Variants in TP73 observed in about 807,000 individuals in gnomAD.
The protein encoded by TP73 is p53-like transcription factor.
Under a neutral mutation model 62.5 loss-of-function variants are expected in TP73, and 25 were observed. The observed-to-expected ratio is 0.40, with a 90% CI of 0.29 to 0.56. The LOEUF (loss-of-function observed/expected upper bound fraction) is 0.56. Ranked by LOEUF, TP73 falls within the 20% of genes least tolerant of loss-of-function variation. TP73 has a pLI of 0.46. For missense variants in TP73, 754 were observed against 913.3 expected (o/e 0.83, Z 2.25); for synonymous variants, 423 against 377.5 (o/e 1.12, Z -1.40).
chr1:3,694,902 T>C (rs12727615), intron 3 of TP73, among the ~76,000 whole-genome samples: 216 of 49,876 alleles, frequency 4.3e-3, no homozygotes, highest in Non-Finnish European at 5.5e-3. Flanking sequence ...CCCATGCATC[T>C]TCAGCCCCTC....
intron 3 of TP73, among the ~76,000 whole-genome samples, chr1:3,684,100 T>C (rs959462353): frequency 5.9e-5 from 9 of 151,694 alleles, no homozygotes; most frequent in African/African-American, 2.2e-4. Context: ...TGCCGGGAGG[T>C]GGATGGCAGG....
intron 1 of TP73, 79 bp downstream of exon 1, chr1:3,652,720 C>A (rs1187949276): frequency 6.6e-6 from 1 of 152,402 alleles, no homozygotes; most frequent in Non-Finnish European, 1.5e-5. Context: ...CACCTGGGCT[C>A]GCAGCTCCGA....
chr1:3,704,499 G>A (rs557638926), intron 3 of TP73, among the ~76,000 whole-genome samples: 12 of 152,198 alleles, frequency 7.9e-5, no homozygotes, highest in East Asian at 1.9e-4. Flanking sequence ...CTGCCCTTCC[G>A]GAGAATGGCT....
chr1:3,705,577 G>T (rs996142819), intron 3 of TP73, among the ~76,000 whole-genome samples: 86 of 152,262 alleles, frequency 5.6e-4, no homozygotes, highest in Non-Finnish European at 3.7e-4. Context: ...GCCCCTGACG[G>T]CTCAGGCCTG....
intron 4 of TP73, among the ~76,000 whole-genome samples, chr1:3,713,562 G>T (rs1640340982): frequency 6.6e-6 from 1 of 152,164 alleles, no homozygotes; most frequent in Non-Finnish European, 1.5e-5. Flanking sequence ...GCCACCCCAG[G>T]CCAGTGGTCA....
intron 3 of TP73, among the ~76,000 whole-genome samples, chr1:3,693,566 T>G (rs1282513248): frequency 6.6e-6 from 1 of 152,136 alleles, no homozygotes; most frequent in Non-Finnish European, 1.5e-5. Flanking sequence ...TCCTCTATGA[T>G]GAGGACGGTG....
At chr1:3,709,416 A>G (rs1458825390) in intron 4 of TP73, among the ~76,000 whole-genome samples, 1 of 152,186 alleles carries the variant, frequency 6.6e-6, no homozygotes, top group Non-Finnish European at 1.5e-5. Flanking sequence ...CACGATGGAG[A>G]TAAGGATGGG....
At chr1:3,729,942 G>A in intron 10 of TP73, 58 bp from the exon 11 acceptor site, 2 of 1,522,980 alleles carry the variant, frequency 1.3e-6, no homozygotes, top group East Asian at 2.3e-5. Flanking sequence ...GGCATGGGTG[G>A]TCGGTGGGCA....
intron 10 of TP73, 178 bp from the exon 11 acceptor site, chr1:3,729,822 C>A: frequency 1.0e-6 from 1 of 962,460 alleles, no homozygotes; most frequent in Non-Finnish European, 1.5e-6. Context: ...TTCTCAGGCG[C>A]AGGCCCAGTG....
At position 3,699,341 on chromosome 1, in the gene TP73, C is replaced by T. The variant is rs973837514; in HGVS notation, c.187-8208C>T. The stretch of plus-strand genomic sequence containing the variant: ...AAGTTCAGACATGCCCACGAGAGAT[C>T]AGGGAGTTTGAGGAGCGGCATACTC... On this transcript the variant is annotated intron_variant, in intron 3 of 13. Transcript: ENST00000378295. This position sits in a 1 kb window ranked among gnomAD's most constrained non-coding sequence, Gnocchi z 4.1. Among the ~76,000 whole-genome samples, 5 of 152,098 alleles carry T rather than the reference C, an allele frequency of 3.3e-5. No individual in the cohort carries two copies. Among genetic ancestry groups the T allele is most frequent in the Non-Finnish European group, 7.4e-5 (5 of 68,002 alleles).
At chr1:3,669,743 C>G (rs572870103) in intron 1 of TP73, among the ~76,000 whole-genome samples, 1 of 152,374 alleles carries the variant, frequency 6.6e-6, no homozygotes, top group South Asian at 2.1e-4. Context: ...TGGGCATGTC[C>G]TGTTCCTTCT....
rs1488141468 is a variant in TP73, at chr1:3,707,808, C to T, written c.429+17C>T. 6.2e-7 allele frequency: 1 copy of T among 1,608,454 alleles called. No homozygotes were observed. The highest frequency in any genetic ancestry group is 2.2e-5 in the East Asian group (1 of 44,742). ...ACCTGGACGGTGAGTTCCCCTAGTC[C>T]CTGAGGGCTGCGGGCTGCGGGCTGC... On this transcript the variant is annotated intron_variant, in intron 4 of 13. Coordinates refer to ENST00000378295, the MANE Select transcript of TP73 (RefSeq NM_005427.4).
At chr1:3,721,289 C>T (rs978435551) in intron 4 of TP73, among the ~76,000 whole-genome samples, 3 of 152,236 alleles carry the variant, frequency 2.0e-5, no homozygotes, top group Admixed American at 6.5e-5. Context: ...GCAGGGCCCA[C>T]GCCAGCTCCA....
intron 3 of TP73, among the ~76,000 whole-genome samples, chr1:3,685,491 C>T (rs1645630483): frequency 6.6e-6 from 1 of 152,228 alleles, no homozygotes; most frequent in African/African-American, 2.4e-5. Flanking sequence ...TGAAGGCAGG[C>T]CCAGGCCTGC....
At chr1:3,716,738 G>T (rs936676797) in intron 4 of TP73, among the ~76,000 whole-genome samples, 1 of 152,172 alleles carries the variant, frequency 6.6e-6, no homozygotes, top group Non-Finnish European at 1.5e-5. Context: ...AAGGAGAAAG[G>T]GACCCAGGAG....
intron 3 of TP73, among the ~76,000 whole-genome samples, chr1:3,704,771 G>T (rs1639489370): frequency 6.6e-6 from 1 of 152,168 alleles, no homozygotes; most frequent in Non-Finnish European, 1.5e-5. Context: ...GGCCTGGGCT[G>T]TGCGACCAGA....
rs1047848515 is a variant in TP73, at chr1:3,690,574, TGGTGC to T, written c.186+7398_186+7402del. The T allele has an allele frequency of 6.9e-5, 81 of 1,166,870 alleles. No homozygotes were observed. In the African/African-American group the frequency reaches 1.1e-3, roughly 16 times the overall value. The allele number at this position is 1,166,870 out of a possible 1,614,324, so 72.3% of individuals were successfully genotyped here. On this transcript the variant is annotated intron_variant, in intron 3 of 13. Coordinates refer to ENST00000378295, the MANE Select transcript of TP73 (RefSeq NM_005427.4). Reference sequence around the variant, plus strand: ...CCCCGCCCTCCCCACGCAGCCTCCTTGGTGCGGTCCAACACATCACCGGGCAAGCT... The same window carrying T: ...CCCCGCCCTCCCCACGCAGCCTCCTTGGTCCAACACATCACCGGGCAAGCT...
chr1:3,722,551 C>T (rs772891238), intron 5 of TP73, among the ~76,000 whole-genome samples: 5 of 152,208 alleles, frequency 3.3e-5, no homozygotes, highest in Non-Finnish European at 7.3e-5. Flanking sequence ...GGGGGCAGAG[C>T]CACTGGGCAG....
In TP73 at chr1:3,716,549, C is replaced by A. The variant is rs375297871; in HGVS notation, c.430-5472C>A. On this transcript the variant is annotated intron_variant, in intron 4 of 13. Coordinates refer to ENST00000378295, the MANE Select transcript of TP73 (RefSeq NM_005427.4). Reference sequence around the variant, plus strand: ...GTGGCTTCCCTGGGGCAGGGAGGGACCAGCCCTGTGACATCCTGCCAGGCC... The same window carrying A: ...GTGGCTTCCCTGGGGCAGGGAGGGAACAGCCCTGTGACATCCTGCCAGGCC... 7.9e-4 allele frequency among the ~76,000 whole-genome samples: 121 copies of A among 152,344 alleles called. 5 individuals carry two copies. In the South Asian group the frequency reaches 0.019, roughly 25 times the overall value.
Sources: allele counts gnomAD v4.1 joint callset (sites outside exome capture counted in the v4.1 genomes callset), GRCh38; gene constraint gnomAD v4.1.1; non-coding constraint Gnocchi (gnomAD v3.1); transcripts MANE v1.5; gene names NCBI Gene and HGNC (gene_info 2026-07-23, HGNC 2026-07-21).